The following KCNQ1 variants were observed in gnomAD, a reference collection of about 807,000 sequenced individuals.
The protein encoded by KCNQ1 is potassium voltage-gated channel subfamily KQT member 1.
KCNQ1 carries 49 observed loss-of-function variants against 72.4 expected under a neutral mutation model. The observed-to-expected ratio is 0.68, with a 90% CI of 0.54 to 0.86. KCNQ1 has a LOEUF of 0.86. Among genes scored for constraint, KCNQ1 ranks in the 40% least tolerant of loss-of-function variants. KCNQ1 has a pLI of 0.00. For missense variants in KCNQ1, 790 were observed against 945.1 expected (o/e 0.84, Z 2.15); for synonymous variants, 450 against 412.6 (o/e 1.09, Z -1.10).
intron 1 of KCNQ1, among the ~76,000 whole-genome samples, chr11:2,501,997 C>G (rs1336274497): frequency 6.6e-6 from 1 of 152,094 alleles, no homozygotes; most frequent in Non-Finnish European, 1.5e-5. Flanking sequence ...ATTCCACATC[C>G]CTTCAACATA....
chr11:2,609,316 CAT>C lies in KCNQ1; in HGVS notation c.1393+20463_1393+20464del, dbSNP rs1263527036. On this transcript the variant is annotated intron_variant, in intron 10 of 15. Coordinates refer to ENST00000155840, the MANE Select transcript of KCNQ1 (RefSeq NM_000218.3). ...AGAATGTAGTGTTGTTTAATTTCCA[CAT>C]GTGTATGTTTCCCTAATTTCTTTGC... The C allele has an allele frequency of 2.5e-5, 10 of 398,340 alleles. No homozygotes were observed. The Admixed American group carries it at 4.0e-4, about 16-fold the overall frequency. 24.7% of individuals were successfully genotyped at this position (398,340 alleles called of 1,614,324 possible). A position where few individuals can be genotyped will look rare whatever the true frequency, so the allele number is the denominator to read the frequency against.
intron 6 of KCNQ1, among the ~76,000 whole-genome samples, chr11:2,580,989 C>G (rs936394180): frequency 1.3e-5 from 2 of 152,220 alleles, no homozygotes; most frequent in Non-Finnish European, 2.9e-5. Context: ...GGGGCTGCGC[C>G]AGCCCAGGCA....
intron 2 of KCNQ1, among the ~76,000 whole-genome samples, chr11:2,552,339 A>G (rs999655289): frequency 2.0e-5 from 3 of 152,198 alleles, no homozygotes; most frequent in African/African-American, 7.2e-5. Context: ...TGTCCCAGAG[A>G]CTTTTTTCCC....
rs1377133369 is a variant in KCNQ1 at position 2,476,773 on chromosome 11, A to G, written c.386+31289A>G. On this transcript the variant is annotated intron_variant, in intron 1 of 15. Transcript: ENST00000155840. ...GCAATCTTGGCTTACAGCAACGTCTACCTCCCGGGTTCAAGCGCTCCTCCC... is the reference window on the plus strand; with the variant it reads ...GCAATCTTGGCTTACAGCAACGTCTGCCTCCCGGGTTCAAGCGCTCCTCCC... Among the ~76,000 whole-genome samples the G allele has an allele frequency of 3.8e-4, 58 of 152,016 alleles. 1 individual carries two copies. The highest frequency in any genetic ancestry group is 3.8e-3 in the Admixed American group (58 of 15,270).
In KCNQ1 at chr11:2,659,166, T is replaced by C; in HGVS notation, c.1394-2795T>C. On this transcript the variant is annotated intron_variant, in intron 10 of 15. Transcript: ENST00000155840. The surrounding 1 kb of genome is among the most constrained non-coding windows in gnomAD (Gnocchi z 4.3). ...TCTTTGAGATTCAGTTCTGTGGGTT[T>C]TGACAGATGTCTGGAGTCATGTGTC... is the stretch of plus-strand genomic sequence containing the variant. 2.5e-6 allele frequency: 1 copy of C among 398,626 alleles called. No individual in the cohort carries two copies. Among genetic ancestry groups the C allele is most frequent in the East Asian group, 3.6e-5 (1 of 28,080 alleles). The allele number at this position is 398,626 out of a possible 1,614,324, so 24.7% of individuals were successfully genotyped here.
chr11:2,515,331 C>T lies in KCNQ1; in HGVS notation c.387-12597C>T, dbSNP rs1044709167. 1.6e-4 allele frequency among the ~76,000 whole-genome samples: 24 copies of T among 152,198 alleles called. No individual in the cohort carries two copies. Among genetic ancestry groups the T allele is most frequent in the African/African-American group, 4.8e-4 (20 of 41,444 alleles). On this transcript the variant is annotated intron_variant, in intron 1 of 15. Transcript: ENST00000155840. This position sits in a 1 kb window ranked among gnomAD's most constrained non-coding sequence, Gnocchi z 4.7. Reference sequence around the variant, plus strand: ...TAGGATCATGGTCTCCAGATCCATCCGTGTTGCTGCAAAGGACATGATTTC... The same window carrying T: ...TAGGATCATGGTCTCCAGATCCATCTGTGTTGCTGCAAAGGACATGATTTC...
In KCNQ1 at chr11:2,626,072, T is replaced by C. The variant is rs1163439108; in HGVS notation, c.1394-35889T>C. On this transcript the variant is annotated intron_variant, in intron 10 of 15. Transcript: ENST00000155840. This position sits in a 1 kb window ranked among gnomAD's most constrained non-coding sequence, Gnocchi z 4.0. ...TATCTAGTTTTACTTTTATTGCCTG[T>C]GCAAGTACAATTTATCTATTTTTAC... 1 of 398,558 alleles carries C rather than the reference T, an allele frequency of 2.5e-6. No homozygotes were observed. The highest frequency in any genetic ancestry group is 3.6e-5 in the East Asian group (1 of 28,080). 24.7% of individuals were successfully genotyped at this position (398,558 alleles called of 1,614,324 possible). A position where few individuals can be genotyped will look rare whatever the true frequency, so the allele number is the denominator to read the frequency against.
rs980116864 is a variant in KCNQ1 at position 2,550,883 on chromosome 11, G to T, written c.478-19745G>T. Among the ~76,000 whole-genome samples the T allele has an allele frequency of 9.9e-5, 15 of 151,594 alleles. No individual in the cohort carries two copies. ...GTGCCTGGGGAGGCTGCCAAGTGAGGGGGGGGCACAGACTGAGACAGGGTC... is the reference window on the plus strand; with the variant it reads ...GTGCCTGGGGAGGCTGCCAAGTGAGTGGGGGGCACAGACTGAGACAGGGTC... On this transcript the variant is annotated intron_variant, in intron 2 of 15. Transcript: ENST00000155840. This position sits in a 1 kb window ranked among gnomAD's most constrained non-coding sequence, Gnocchi z 6.0.
At chr11:2,594,286 T>A (rs780927721) in intron 10 of KCNQ1, among the ~76,000 whole-genome samples, 5 of 152,226 alleles carry the variant, frequency 3.3e-5, no homozygotes, top group Non-Finnish European at 7.3e-5. Context: ...CTGTGGGTCA[T>A]CAGGCTAATT....
At chr11:2,573,276 C>T (rs1169223882) in intron 6 of KCNQ1, among the ~76,000 whole-genome samples, 3 of 152,124 alleles carry the variant, frequency 2.0e-5, no homozygotes, top group Non-Finnish European at 2.9e-5. Context: ...GGGGGCTTAG[C>T]GGTTTCGGCT....
rs577088782 is a variant in KCNQ1, at chr11:2,769,032, C to T, written c.1590+113C>T. 6.1e-5 allele frequency: 55 copies of T among 897,116 alleles called. No homozygotes were observed. The highest frequency in any genetic ancestry group is 3.6e-4 in the African/African-American group (22 of 60,820). The allele number at this position is 897,116 out of a possible 1,614,324, so 55.6% of individuals were successfully genotyped here. A position where few individuals can be genotyped will look rare whatever the true frequency, so the allele number is the denominator to read the frequency against. ...CCATAGTGGAGGGTGTCAAGGCCTC[C>T]GCCCCCAAGCCACACAGGCAGGCCT... On this transcript the variant is annotated intron_variant, in intron 12 of 15. Transcript: ENST00000155840. The surrounding 1 kb of genome is among the most constrained non-coding windows in gnomAD (Gnocchi z 4.6).
At chr11:2,846,906 G>A (rs116258901) in intron 15 of KCNQ1, among the ~76,000 whole-genome samples, 61 of 152,346 alleles carry the variant, frequency 4.0e-4, no homozygotes, top group African/African-American at 1.4e-3. Context: ...AGCTTTGCAG[G>A]GCAGCCACCC....
rs1170121103 is a variant in KCNQ1, at chr11:2,475,949, A to G, written c.386+30465A>G. Reference sequence around the variant, plus strand: ...CCAATTAAACCTCTTTCTTTTGTACATTTGCTCAGTCTTGGGTATGTCTTT... The same window carrying G: ...CCAATTAAACCTCTTTCTTTTGTACGTTTGCTCAGTCTTGGGTATGTCTTT... On this transcript the variant is annotated intron_variant, in intron 1 of 15. Coordinates refer to ENST00000155840, the MANE Select transcript of KCNQ1 (RefSeq NM_000218.3). The surrounding 1 kb of genome is among the most constrained non-coding windows in gnomAD (Gnocchi z 5.8). Among the ~76,000 whole-genome samples the G allele has an allele frequency of 6.6e-6, 1 of 152,198 alleles. No individual in the cohort carries two copies. Among genetic ancestry groups the G allele is most frequent in the African/African-American group, 2.4e-5 (1 of 41,452 alleles).
chr11:2,604,650 T>C (rs1420111477), intron 10 of KCNQ1, among the ~76,000 whole-genome samples: 1 of 151,694 alleles, frequency 6.6e-6, no homozygotes, highest in Non-Finnish European at 1.5e-5. Context: ...GTTCAAGCGA[T>C]TCCTCTGCCT....
At position 2,677,978 on chromosome 11, in the gene KCNQ1, G is replaced by A. The variant is rs1331911792; in HGVS notation, c.1514+15897G>A. ...TGGAGCTTTAATTTACATTTCTTTT[G>A]TTGGAAATGAGGTTTTTATCTTTCC... On this transcript the variant is annotated intron_variant, in intron 11 of 15. Transcript: ENST00000155840. This position sits in a 1 kb window ranked among gnomAD's most constrained non-coding sequence, Gnocchi z 4.5. 2.5e-6 allele frequency: 1 copy of A among 397,864 alleles called. No individual in the cohort carries two copies. Among genetic ancestry groups the A allele is most frequent in the Non-Finnish European group, 4.4e-6 (1 of 225,986 alleles). 24.6% of individuals were successfully genotyped at this position (397,864 alleles called of 1,614,324 possible).
chr11:2,821,365 GT>G (rs1389711497), intron 15 of KCNQ1, among the ~76,000 whole-genome samples: 3 of 152,234 alleles, frequency 2.0e-5, no homozygotes, highest in Non-Finnish European at 4.4e-5. Flanking sequence ...TGCCCATGGG[GT>G]CACGCCAGCC....
intron 11 of KCNQ1, chr11:2,688,994 C>G (rs1850544423): frequency 5.0e-6 from 2 of 398,724 alleles, no homozygotes; most frequent in Non-Finnish European, 8.8e-6. Context: ...AGCAGGGGAG[C>G]CTGCAGGTCC....
intron 10 of KCNQ1, chr11:2,650,564 G>T: frequency 2.5e-6 from 1 of 398,634 alleles, no homozygotes; most frequent in Non-Finnish European, 4.4e-6. Context: ...TAGGCTGCTT[G>T]GTGCTTAGGA....
chr11:2,699,857 G>A (rs1850762677), intron 11 of KCNQ1: 4 of 396,536 alleles, frequency 1.0e-5, no homozygotes, highest in East Asian at 3.6e-5. Context: ...GGGGCGCACC[G>A]GGAGAATCGT....
Sources: gnomAD v4.1 joint callset for allele counts (sites outside exome capture counted in the v4.1 genomes callset) on GRCh38, gnomAD v4.1.1 for gene constraint, Gnocchi (gnomAD v3.1) non-coding constraint, MANE v1.5 for transcripts, NCBI Gene and HGNC (gene_info 2026-07-23, HGNC 2026-07-21) for gene names.